THSD4: variants seen among roughly 807,000 people sequenced by gnomAD.
THSD4 encodes the protein thrombospondin type-1 domain-containing protein 4.
In THSD4, 69 loss-of-function variants were observed where a neutral mutation model predicts 119.0. The observed-to-expected ratio is 0.58, with a 90% confidence interval of 0.48 to 0.71. The LOEUF (loss-of-function observed/expected upper bound fraction) is 0.71. THSD4 is among the 30% of genes least tolerant of loss of function. The pLI is 0.00. For missense variants in THSD4, 1,393 were observed against 1,391.1 expected, an observed-to-expected ratio of 1.00 and a Z score of -0.02; for synonymous variants, 524 against 540.4, an observed-to-expected ratio of 0.97 and a Z score of 0.42.
At chr15:71,661,374 C>G (rs1419635337) in intron 8 of THSD4, among the ~76,000 whole-genome samples, 1 of 151,930 alleles carries the variant, frequency 6.6e-6, no homozygotes, top group East Asian at 1.9e-4. Context: ...AAACCACAAG[C>G]CAATCGAACA....
chr15:71,406,667 TGTG>T (rs1596407988), intron 6 of THSD4, among the ~76,000 whole-genome samples: 2 of 147,250 alleles, frequency 1.4e-5, no homozygotes, highest in South Asian at 4.3e-4. Context: ...TGTGTGTGTG[TGTG>T]TGTGTGTGTG....
At chr15:71,736,415 C>T (rs754540168) in intron 10 of THSD4, among the ~76,000 whole-genome samples, 9 of 150,958 alleles carry the variant, frequency 6.0e-5, no homozygotes, top group Admixed American at 2.7e-4. Flanking sequence ...CTGACTGTCT[C>T]GCTCTCTTGC....
intron 7 of THSD4, among the ~76,000 whole-genome samples, chr15:71,644,125 G>A (rs1286702673): frequency 6.6e-6 from 1 of 152,150 alleles, no homozygotes; most frequent in Non-Finnish European, 1.5e-5. Flanking sequence ...GACTGTCCAA[G>A]GTCTCAACAG....
chr15:71,690,668 G>A lies in THSD4; in HGVS notation c.1357+29934G>A, dbSNP rs554320182. Among the ~76,000 whole-genome samples, 14 of 152,346 alleles carry A rather than the reference G, an allele frequency of 9.2e-5. 1 individual carries two copies. The South Asian group carries it at 2.7e-3, about 29-fold the overall frequency. On this transcript the variant is annotated intron_variant, in intron 8 of 17. Transcript: ENST00000261862. ...GAAGTTTAATGACTTACAGTTTCATGTGGTTGGGGAGGCCTCACAATCATG... is the reference window on the plus strand; with the variant it reads ...GAAGTTTAATGACTTACAGTTTCATATGGTTGGGGAGGCCTCACAATCATG...
intron 6 of THSD4, among the ~76,000 whole-genome samples, chr15:71,280,378 G>A (rs933927932): frequency 3.3e-5 from 5 of 152,170 alleles, no homozygotes; most frequent in Admixed American, 3.3e-4. Context: ...TATGATCAGA[G>A]CTGAGCTTCA....
At chr15:71,302,321 C>T (rs2044961953) in intron 6 of THSD4, among the ~76,000 whole-genome samples, 1 of 152,070 alleles carries the variant, frequency 6.6e-6, no homozygotes, top group South Asian at 2.1e-4. Context: ...GTCTGATAAG[C>T]CCACCAGGGA....
chr15:71,571,329 A>G (rs1015106517), intron 7 of THSD4, among the ~76,000 whole-genome samples: 1 of 151,964 alleles, frequency 6.6e-6, no homozygotes, highest in South Asian at 2.1e-4. Context: ...AGAATGCCGC[A>G]TGCTCGTTTC....
At chr15:71,506,528 G>A (rs1346286803) in intron 7 of THSD4, among the ~76,000 whole-genome samples, 4 of 152,156 alleles carry the variant, frequency 2.6e-5, no homozygotes, top group African/African-American at 7.2e-5. Flanking sequence ...CTGCTTTGTC[G>A]AACCTTTAGT....
At chr15:71,241,066 T>C (rs28594325) in intron 4 of THSD4, among the ~76,000 whole-genome samples, 2,100 of 152,212 alleles carry the variant, frequency 0.014, 40 homozygotes, top group African/African-American at 0.048. Flanking sequence ...ATGTGGAGAG[T>C]GAAGAAAGAA....
intron 8 of THSD4, among the ~76,000 whole-genome samples, chr15:71,709,423 A>C (rs1011078211): frequency 2.6e-5 from 4 of 152,186 alleles, no homozygotes; most frequent in African/African-American, 4.8e-5. Context: ...GCAGCAATTG[A>C]AGTGGACTGT....
chr15:71,504,766 A>G (rs767664075), intron 7 of THSD4, among the ~76,000 whole-genome samples: 12 of 152,178 alleles, frequency 7.9e-5, no homozygotes, highest in Non-Finnish European at 1.6e-4. Context: ...GTACGTTACT[A>G]TTAACTAAAT....
At chr15:71,128,065 A>G in intron 1 of THSD4, among the ~76,000 whole-genome samples, 1 of 152,198 alleles carries the variant, frequency 6.6e-6, no homozygotes, top group East Asian at 1.9e-4. Flanking sequence ...TCCCAAATGG[A>G]AATTTTAGAA....
chr15:71,571,280 A>G (rs1022476968), intron 7 of THSD4, among the ~76,000 whole-genome samples: 2 of 151,912 alleles, frequency 1.3e-5, no homozygotes, highest in African/African-American at 4.8e-5. Context: ...AATTCTTACA[A>G]GTTAGCCGGG....
At chr15:71,111,035 G>A (rs1342578724), upstream of THSD4, 14 of 1,214,894 alleles carry the variant, frequency 1.2e-5, no homozygotes, top group Non-Finnish European at 1.4e-5. Context: ...AAGCAGCCTC[G>A]GATCCGGGTG....
intron 8 of THSD4, among the ~76,000 whole-genome samples, chr15:71,703,669 G>C (rs2052337087): frequency 6.6e-6 from 1 of 152,176 alleles, no homozygotes; most frequent in African/African-American, 2.4e-5. Context: ...GGGCTCAGCT[G>C]CAGGCCTAAG....
At chr15:71,148,580 T>C (rs2040688391) in intron 2 of THSD4, among the ~76,000 whole-genome samples, 1 of 152,204 alleles carries the variant, frequency 6.6e-6, no homozygotes, top group Non-Finnish European at 1.5e-5. Flanking sequence ...GAATATCCTC[T>C]GGTGGGACTG....
chr15:71,218,793 G>A (rs1473307112), intron 4 of THSD4, among the ~76,000 whole-genome samples: 1 of 152,214 alleles, frequency 6.6e-6, no homozygotes, highest in Non-Finnish European at 1.5e-5. Context: ...GGAAAAGGCT[G>A]TTGGAGTTTA....
At chr15:71,259,130 C>CG (rs2044359500) in intron 6 of THSD4, among the ~76,000 whole-genome samples, 1 of 149,340 alleles carries the variant, frequency 6.7e-6, no homozygotes, top group African/African-American at 2.5e-5. Flanking sequence ...AAACAAAAAA[C>CG]AAAAAAAAAG....
At chr15:71,246,886 C>CG (rs2044206712) in intron 5 of THSD4, among the ~76,000 whole-genome samples, 1 of 114,506 alleles carries the variant, frequency 8.7e-6, no homozygotes, top group South Asian at 3.2e-4. Context: ...GGTCCAAAGT[C>CG]TTTTTTTTTT....
Sources: gnomAD v4.1 joint callset for allele counts (sites outside exome capture counted in the v4.1 genomes callset) on GRCh38, gnomAD v4.1.1 for gene constraint, MANE v1.5 for transcripts, NCBI Gene and HGNC (gene_info 2026-07-23, HGNC 2026-07-21) for gene names.